CASP6: variants seen among roughly 807,000 people sequenced by gnomAD.
CASP6 encodes the protein caspase 6, also known as caspase-6.
A neutral mutation model predicts 31.8 loss-of-function variants in CASP6; 20 were observed. The observed-to-expected ratio is 0.63, with a 90% CI of 0.44 to 0.91. The LOEUF (loss-of-function observed/expected upper bound fraction) is 0.91, where lower values mean the gene tolerates loss of function less well. Ranked by LOEUF, CASP6 falls within the 40% of genes least tolerant of loss-of-function variation. CASP6 has a pLI of 0.00. For missense variants in CASP6, 328 were observed against 361.1 expected (o/e 0.91, Z 0.74); for synonymous variants, 130 against 127.8 (o/e 1.02, Z -0.12).
At chr4:109,690,598 T>C (rs1730018881) in intron 6 of CASP6, among the ~76,000 whole-genome samples, 1 of 152,158 alleles carries the variant, frequency 6.6e-6, no homozygotes, top group Non-Finnish European at 1.5e-5. Context: ...GATGGTAGGC[T>C]GCTAATACTA....
intron 2 of CASP6, 123 bp downstream of exon 2, chr4:109,698,177 G>T: frequency 9.9e-7 from 1 of 1,009,624 alleles, no homozygotes. Flanking sequence ...CTCCCCAAAG[G>T]CTAAAACTTG....
upstream of CASP6, among the ~76,000 whole-genome samples, chr4:109,706,944 CTTATT>C (rs1561267238): frequency 6.6e-6 from 1 of 151,996 alleles, no homozygotes; most frequent in Non-Finnish European, 1.5e-5. Flanking sequence ...TCCTTATTGC[CTTATT>C]TTAAGAGATT....
rs754263290 is a variant in CASP6, at chr4:109,689,350, A to T, written c.862T>A (p.Phe288Ile). 1 of 1,614,026 alleles carries T rather than the reference A, an allele frequency of 6.2e-7. No homozygotes were observed. The highest frequency in any genetic ancestry group is 1.7e-5 in the Admixed American group (1 of 60,008). Residue 288 changes from phenylalanine (F) to isoleucine (I), a missense_variant, in exon 7 of 7, where the codon TTC becomes ATC. Coordinates refer to ENST00000265164, the MANE Select transcript of CASP6 (RefSeq NM_001226.4). ...FASMLTKKLH[F>I]FPKSN ...ATTAATTAATTAGATTTTGGAAAGA[A>T]ATGCAGCTTTTTAGTTAGCATTGAG...
At chr4:109,703,520 T>A (rs552837525), upstream of CASP6, 2 of 1,224,088 alleles carry the variant, frequency 1.6e-6, no homozygotes, top group Admixed American at 5.1e-5. Flanking sequence ...TGGGGCCAGT[T>A]GGTTCTGATT....
At chr4:109,665,953 G>A in the CASP6 span, among the ~76,000 whole-genome samples, 3 of 150,504 alleles carry the variant, frequency 2.0e-5, no homozygotes, top group Non-Finnish European at 4.4e-5. Flanking sequence ...GAGAGTGGGA[G>A]GAAAAAAAGA....
upstream of CASP6, chr4:109,703,706 G>T (rs1176996996): frequency 4.2e-6 from 2 of 480,536 alleles, no homozygotes; most frequent in Non-Finnish European, 7.4e-6. Flanking sequence ...TGCCACCCGG[G>T]GGGACACACA....
intron 3 of CASP6, among the ~76,000 whole-genome samples, chr4:109,696,946 C>G (rs975705591): frequency 2.0e-5 from 3 of 151,906 alleles, no homozygotes; most frequent in African/African-American, 7.3e-5. Context: ...CCACCACGCC[C>G]GGCTAATTTT....
the CASP6 span, chr4:109,674,130 G>A: frequency 1.6e-3 from 2,250 of 1,376,724 alleles, 27 homozygotes; most frequent in African/African-American, 0.029. Context: ...CTTAGAAGAA[G>A]AGATGCTGCC....
chr4:109,692,407 T>A (rs912479572), intron 5 of CASP6: 1 of 152,194 alleles, frequency 6.6e-6, no homozygotes, highest in Non-Finnish European at 1.5e-5. Flanking sequence ...CAGGTGCTCT[T>A]TTTACCAAGA....
downstream of CASP6, among the ~76,000 whole-genome samples, chr4:109,684,061 TTTTC>T (rs1469196150): frequency 5.0e-5 from 7 of 140,012 alleles, no homozygotes; most frequent in Non-Finnish European, 9.3e-5. Context: ...AGAGTTCCTC[TTTTC>T]TTTTTTTTTT....
chr4:109,708,050 TTAAAA>T (rs760781064), upstream of CASP6, among the ~76,000 whole-genome samples: 1 of 152,158 alleles, frequency 6.6e-6, no homozygotes. Flanking sequence ...TTCTAATATA[TTAAAA>T]TAAGTATAAT....
chr4:109,664,745 G>A, the CASP6 span, among the ~76,000 whole-genome samples: 9 of 152,258 alleles, frequency 5.9e-5, no homozygotes, highest in East Asian at 1.5e-3. Flanking sequence ...GAAAACCAGT[G>A]TTTAAGCTTT....
At chr4:109,666,621 C>T in the CASP6 span, among the ~76,000 whole-genome samples, 2 of 152,014 alleles carry the variant, frequency 1.3e-5, no homozygotes, top group South Asian at 4.1e-4. Flanking sequence ...AGATCTTTGC[C>T]CATTTTGTGA....
the CASP6 span, among the ~76,000 whole-genome samples, chr4:109,673,135 A>G: frequency 6.6e-6 from 1 of 152,246 alleles, no homozygotes; most frequent in Non-Finnish European, 1.5e-5. Context: ...CAGAAATTGG[A>G]AAATATGGAA....
At chr4:109,682,640 A>C in the CASP6 span, 4 of 1,613,300 alleles carry the variant, frequency 2.5e-6, no homozygotes, top group Non-Finnish European at 3.4e-6. Context: ...TGGTTCACAG[A>C]CTATTTACAA....
At chr4:109,677,799 C>T in the CASP6 span, among the ~76,000 whole-genome samples, 48 of 94,078 alleles carry the variant, frequency 5.1e-4, no homozygotes, top group Non-Finnish European at 9.2e-4. Flanking sequence ...TATAAGGAAA[C>T]AAATTTTTTT....
the CASP6 span, among the ~76,000 whole-genome samples, chr4:109,677,144 G>T: frequency 6.6e-6 from 1 of 152,244 alleles, no homozygotes; most frequent in South Asian, 2.1e-4. Flanking sequence ...GAAGTTTTAA[G>T]ATTTAATGTT....
chr4:109,671,054 T>A, the CASP6 span, among the ~76,000 whole-genome samples: 1 of 152,204 alleles, frequency 6.6e-6, no homozygotes, highest in South Asian at 2.1e-4. Flanking sequence ...ATCTATCTTT[T>A]CAATTTTGGC....
downstream of CASP6, among the ~76,000 whole-genome samples, chr4:109,686,436 G>C (rs1729838264): frequency 6.6e-6 from 1 of 152,142 alleles, no homozygotes. Flanking sequence ...ACCATGTCCA[G>C]CCAAGCCTTT....
Sources: gnomAD v4.1 joint callset for allele counts (sites outside exome capture counted in the v4.1 genomes callset) on GRCh38, gnomAD v4.1.1 for gene constraint, MANE v1.5 for transcripts, NCBI Gene and HGNC (gene_info 2026-07-23, HGNC 2026-07-21) for gene names.